The following EFR3B variants were observed in gnomAD, a reference collection of about 807,000 sequenced individuals.
The protein encoded by EFR3B is EFR3 homolog B, also known as protein EFR3 homolog B.
Under a neutral mutation model 104.7 loss-of-function variants are expected in EFR3B, and 64 were observed. The ratio of observed to expected loss-of-function variants is 0.61; its 90% CI spans 0.50 to 0.75. EFR3B has a LOEUF of 0.75. Among genes scored for constraint, EFR3B ranks in the 30% least tolerant of loss-of-function variants. The pLI, the probability that EFR3B is intolerant of heterozygous loss-of-function variation, is 0.00. For missense variants in EFR3B, 750 were observed against 1,078.5 expected, an observed-to-expected ratio of 0.70 and a Z score of 4.27; for synonymous variants, 385 against 417.9, an observed-to-expected ratio of 0.92 and a Z score of 0.96.
intron 1 of EFR3B, among the ~76,000 whole-genome samples, chr2:25,084,419 A>G (rs774017815): frequency 6.6e-6 from 1 of 151,940 alleles, no homozygotes; most frequent in Non-Finnish European, 1.5e-5. Context: ...TTGTATTTTT[A>G]GTAGAGAAGG....
chr2:25,063,270 G>A (rs1322709488), intron 1 of EFR3B, among the ~76,000 whole-genome samples: 1 of 152,078 alleles, frequency 6.6e-6, no homozygotes, highest in East Asian at 1.9e-4. Context: ...TCCTCCTTGG[G>A]GCTTTTGTGA....
intron 1 of EFR3B, among the ~76,000 whole-genome samples, chr2:25,059,079 A>G (rs34597168): frequency 0.091 from 13,798 of 151,908 alleles, 844 homozygotes; most frequent in East Asian, 0.24. Context: ...AACAAAATGC[A>G]ATATCTGTGT....
At chr2:25,068,367 A>G (rs1017652287) in intron 1 of EFR3B, among the ~76,000 whole-genome samples, 1 of 152,222 alleles carries the variant, frequency 6.6e-6, no homozygotes, top group Non-Finnish European at 1.5e-5. Flanking sequence ...GACATTAATA[A>G]CAATTTGAAG....
chr2:25,103,244 G>A (rs951444016), intron 3 of EFR3B, among the ~76,000 whole-genome samples: 1 of 152,168 alleles, frequency 6.6e-6, no homozygotes, highest in African/African-American at 2.4e-5. Flanking sequence ...TTTCCACAGT[G>A]GGCACTCGAT....
At chr2:25,103,062 C>T (rs941822512) in intron 3 of EFR3B, among the ~76,000 whole-genome samples, 8 of 152,176 alleles carry the variant, frequency 5.3e-5, no homozygotes, top group African/African-American at 1.9e-4. Flanking sequence ...TGACTTCCTC[C>T]CCACTCGAGC....
At chr2:25,052,496 CTTTTTTTTTTTTTT>C (rs56005417) in intron 1 of EFR3B, among the ~76,000 whole-genome samples, 2 of 95,726 alleles carry the variant, frequency 2.1e-5, no homozygotes, top group African/African-American at 9.6e-5. Context: ...AGGCAGAATT[CTTTTTTTTTTTTTT>C]TTTTTTTTTG....
chr2:25,094,352 C>T (rs923029454), intron 3 of EFR3B, among the ~76,000 whole-genome samples: 4 of 149,814 alleles, frequency 2.7e-5, no homozygotes, highest in Non-Finnish European at 4.4e-5. Flanking sequence ...AAAGTATATT[C>T]GAAAATTAAG....
At chr2:25,070,955 C>CTCTTT (rs773307382) in intron 1 of EFR3B, among the ~76,000 whole-genome samples, 8 of 152,342 alleles carry the variant, frequency 5.3e-5, no homozygotes, top group East Asian at 1.9e-4. Context: ...CAGGCTCAAG[C>CTCTTT]TCTTTTCTTT....
In EFR3B at chr2:25,145,044, A is replaced by C. The variant is rs1289415198; in HGVS notation, c.2135A>C (p.Lys712Thr). The change falls in exon 19 of 23, where the codon AAG becomes ACG. Residue 712 changes from lysine to threonine, a missense_variant. Physicochemically the swap from Lys to Thr is moderately conservative, Grantham distance 78. Transcript: ENST00000403714. ...GTAGAATCGAGGAACAGTCCGGAGA[A>C]GGAGGAGGTGAGTGTCCGTGCCACC... is the stretch of plus-strand genomic sequence containing the variant. Reference protein sequence around the residue: ...VEVESRNSPEKEERVPAEEIT... With the variant: ...VEVESRNSPETEERVPAEEIT... 1 of 1,551,768 alleles carries C rather than the reference A, an allele frequency of 6.4e-7. No individual in the cohort carries two copies. The highest frequency in any genetic ancestry group is 8.7e-7 in the Non-Finnish European group (1 of 1,146,984).
chr2:25,145,422 A>T, intron 19 of EFR3B: 1 of 330,620 alleles, frequency 3.0e-6, no homozygotes, highest in Non-Finnish European at 5.5e-6. Flanking sequence ...AATAATTGAA[A>T]AATCAGCCAG....
In EFR3B at chr2:25,155,157, G is replaced by A. The variant is rs1288134131; in HGVS notation, c.*817G>A. The A allele has an allele frequency of 6.6e-6, 1 of 152,224 alleles. No homozygotes were observed. The allele number at this position is 152,224 out of a possible 1,614,324, so 9.4% of individuals were successfully genotyped here. A position where few individuals can be genotyped will look rare whatever the true frequency, so the allele number is the denominator to read the frequency against. ...CTTCTGAGGGTCCCAAGGTGTTCCT[G>A]GAGCTTCTGGGTTGAGGAAAGGCAG... is the stretch of plus-strand genomic sequence containing the variant. On this transcript the variant is annotated 3_prime_UTR_variant, in exon 23 of 23. Transcript: ENST00000403714.
intron 1 of EFR3B, chr2:25,058,048 G>C (rs1668072798): frequency 6.6e-6 from 1 of 152,164 alleles, no homozygotes; most frequent in Non-Finnish European, 1.5e-5. Context: ...ATGGTGACAT[G>C]TGCCTGTAGT....
rs954455533 is a variant in EFR3B, at chr2:25,136,713, C to T, written c.1560+115C>T. On this transcript the variant is annotated intron_variant, in intron 14 of 22. Transcript: ENST00000403714. This position sits in a 1 kb window ranked among gnomAD's most constrained non-coding sequence, Gnocchi z 4.0. The stretch of plus-strand genomic sequence containing the variant: ...GATAGATCACTTGAGGTGGGGAGCT[C>T]GAGACCAGCCAGACCAACATGGTAA... 2.0e-5 allele frequency: 16 copies of T among 813,374 alleles called. No individual in the cohort carries two copies. The highest frequency in any genetic ancestry group is 1.3e-4 in the South Asian group (8 of 62,578). 50.4% of individuals were successfully genotyped at this position (813,374 alleles called of 1,614,324 possible). A position where few individuals can be genotyped will look rare whatever the true frequency, so the allele number is the denominator to read the frequency against.
chr2:25,068,930 CTT>C (rs571830012), intron 1 of EFR3B, among the ~76,000 whole-genome samples: 10 of 80,986 alleles, frequency 1.2e-4, no homozygotes, highest in Admixed American at 4.1e-4. Context: ...CGCCCGGCAT[CTT>C]TTTTTTTTTT....
At chr2:25,135,960 T>A (rs2149207623) in intron 13 of EFR3B, among the ~76,000 whole-genome samples, 1 of 152,084 alleles carries the variant, frequency 6.6e-6, no homozygotes, top group Non-Finnish European at 1.5e-5. Flanking sequence ...ATGCAGGTTA[T>A]CAGTAGAGAC....
chr2:25,122,273 T>C (rs1036257182), intron 5 of EFR3B, among the ~76,000 whole-genome samples: 3 of 152,084 alleles, frequency 2.0e-5, no homozygotes, highest in Non-Finnish European at 4.4e-5. Context: ...GGCCCCCACA[T>C]GTGGTTTCTA....
chr2:25,092,499 C>T (rs1481146101), intron 2 of EFR3B, among the ~76,000 whole-genome samples: 1 of 151,654 alleles, frequency 6.6e-6, no homozygotes, highest in Non-Finnish European at 1.5e-5. Flanking sequence ...GTATATATAT[C>T]CATACACATG....
chr2:25,091,532 C>T lies in EFR3B; in HGVS notation c.84+131C>T, dbSNP rs1030774744. On this transcript the variant is annotated intron_variant, in intron 2 of 22. Coordinates refer to ENST00000403714, the MANE Select transcript of EFR3B (RefSeq NM_014971.2). ...CTCTCAGGGTCCCTGGGCACTGAGC[C>T]TTCCCAGAGAAACTGGAACCTGGGC... 11 of 779,336 alleles carry T rather than the reference C, an allele frequency of 1.4e-5. No homozygotes were observed. The African/African-American group carries it at 2.0e-4, about 14-fold the overall frequency. 48.3% of individuals were successfully genotyped at this position (779,336 alleles called of 1,614,324 possible). A position where few individuals can be genotyped will look rare whatever the true frequency, so the allele number is the denominator to read the frequency against.
At chr2:25,056,916 C>T (rs1053370709) in intron 1 of EFR3B, among the ~76,000 whole-genome samples, 1 of 152,106 alleles carries the variant, frequency 6.6e-6, no homozygotes, top group Admixed American at 6.6e-5. Context: ...GAGCTGATTG[C>T]TGTGTAAATT....
Sources: gnomAD v4.1 joint callset for allele counts (sites outside exome capture counted in the v4.1 genomes callset) on GRCh38, gnomAD v4.1.1 for gene constraint, Gnocchi (gnomAD v3.1) non-coding constraint, MANE v1.5 for transcripts, NCBI Gene and HGNC (gene_info 2026-07-23, HGNC 2026-07-21) for gene names.